Variants in PTPRJ observed in about 807,000 individuals in gnomAD.
PTPRJ encodes the protein protein tyrosine phosphatase receptor type J, also known as receptor-type tyrosine-protein phosphatase eta.
In PTPRJ, 129 loss-of-function variants were observed where a neutral mutation model predicts 141.3. The ratio of observed to expected loss-of-function variants is 0.91; its 90% CI spans 0.79 to 1.06. The LOEUF is 1.06. PTPRJ is among the 50% of genes least tolerant of loss of function. PTPRJ has a pLI of 0.00. For missense variants in PTPRJ, 1,601 were observed against 1,679.7 expected (o/e 0.95, Z 0.82); for synonymous variants, 610 against 640.5 (o/e 0.95, Z 0.72).
intron 1 of PTPRJ, among the ~76,000 whole-genome samples, chr11:48,072,119 G>A (rs1855277472): frequency 1.3e-5 from 2 of 151,998 alleles, no homozygotes; most frequent in African/African-American, 4.8e-5. Context: ...TGGCCAGGCT[G>A]GTCTTGAGCT....
chr11:48,148,822 A>G (rs1444309013), intron 15 of PTPRJ, among the ~76,000 whole-genome samples: 2 of 152,098 alleles, frequency 1.3e-5, no homozygotes, highest in Non-Finnish European at 2.9e-5. Flanking sequence ...GGTGTTTCCA[A>G]GTTTTTTTTC....
In PTPRJ at chr11:48,060,519, G is replaced by A. The variant is rs531575406; in HGVS notation, c.97-49539G>A. 6.6e-5 allele frequency among the ~76,000 whole-genome samples: 10 copies of A among 152,290 alleles called. No individual in the cohort carries two copies. In the East Asian group the frequency reaches 1.9e-3, roughly 29 times the overall value. On this transcript the variant is annotated intron_variant, in intron 1 of 24. Coordinates refer to ENST00000418331, the MANE Select transcript of PTPRJ (RefSeq NM_002843.4). ...TTTGCTCTACCCACACGCACAGTTG[G>A]AAAGATGCAGGTTTGATTGAAGAAG...
intron 1 of PTPRJ, among the ~76,000 whole-genome samples, chr11:48,077,094 G>A (rs1855425431): frequency 6.6e-6 from 1 of 151,980 alleles, no homozygotes; most frequent in African/African-American, 2.4e-5. Flanking sequence ...TTGAACTCCC[G>A]ACCTCAGGTG....
chr11:48,066,616 C>T (rs192419070), intron 1 of PTPRJ, among the ~76,000 whole-genome samples: 6 of 150,548 alleles, frequency 4.0e-5, no homozygotes, highest in Admixed American at 6.6e-5. Context: ...GACTGAGTCT[C>T]GCTGTGTCGC....
At chr11:47,992,747 A>G (rs1380595885) in intron 1 of PTPRJ, among the ~76,000 whole-genome samples, 1 of 152,248 alleles carries the variant, frequency 6.6e-6, no homozygotes, top group Non-Finnish European at 1.5e-5. Context: ...TATGACCTGC[A>G]TTAAAAAAAT....
intron 21 of PTPRJ, among the ~76,000 whole-genome samples, chr11:48,157,334 A>G (rs10838810): frequency 0.18 from 27,717 of 152,192 alleles, 2,863 homozygotes; most frequent in South Asian, 0.43. Flanking sequence ...ATTGATGTGA[A>G]GAGAACTGAA....
At position 48,155,998 on chromosome 11, in the gene PTPRJ, A is replaced by G; in HGVS notation, c.3317A>G (p.Lys1106Arg). The stretch of plus-strand genomic sequence containing the variant: ...TCCCATTTTTAGGGCTACCACTCCA[A>G]GAAAGATTTTATTGCCACACAAGGA... The part of the protein sequence containing the change: ...NANYMPGYHS[K>R]KDFIATQGPL... The change falls in exon 21 of 25, where the codon AAG (lysine) becomes AGG (arginine). Residue 1106 changes from lysine to arginine, a missense_variant. Lys to Arg is a conservative substitution (Grantham distance 26). Transcript: ENST00000418331. The G allele has an allele frequency of 6.2e-7, 1 of 1,611,202 alleles. No individual in the cohort carries two copies. Among genetic ancestry groups the G allele is most frequent in the African/African-American group, 1.3e-5 (1 of 74,986 alleles).
chr11:48,059,110 C>A (rs143848318), intron 1 of PTPRJ, among the ~76,000 whole-genome samples: 2 of 102,160 alleles, frequency 2.0e-5, no homozygotes, highest in Non-Finnish European at 3.8e-5. Flanking sequence ...TGTGCTGTGC[C>A]TTTTTTTTTT....
At chr11:48,167,113 G>A in intron 24 of PTPRJ, 91 bp from the exon 25 acceptor site, 1 of 1,256,104 alleles carries the variant, frequency 8.0e-7, no homozygotes. Flanking sequence ...TGGGAGTTGG[G>A]CGGGGGAATG....
chr11:48,057,213 G>C (rs1854779617), intron 1 of PTPRJ, among the ~76,000 whole-genome samples: 2 of 152,190 alleles, frequency 1.3e-5, no homozygotes, highest in South Asian at 4.1e-4. Context: ...AATAATAGGT[G>C]CTTAGGCATC....
intron 1 of PTPRJ, among the ~76,000 whole-genome samples, chr11:48,024,990 C>T (rs545192420): frequency 2.6e-5 from 4 of 152,264 alleles, no homozygotes; most frequent in Non-Finnish European, 5.9e-5. Context: ...GCCTAATCCC[C>T]TAAGGGGCCT....
Position 48,150,008 on chromosome 11 carries a change from CTCTT to C in PTPRJ, c.3050+12_3050+15del, listed in dbSNP as rs1565328478. On this transcript the variant is annotated intron_variant, in intron 17 of 24. Transcript: ENST00000418331. ...CATGAAGACCTAAAAAGTGAGTAAT[CTCTT>C]TATTTTTTTTAATAACTTGTACTTT... The C allele has an allele frequency of 4.7e-6, 7 of 1,492,914 alleles. No individual in the cohort carries two copies. The highest frequency in any genetic ancestry group is 1.8e-5 in the Admixed American group (1 of 56,858). The allele number at this position is 1,492,914 out of a possible 1,614,324, so 92.5% of individuals were successfully genotyped here. A position where few individuals can be genotyped will look rare whatever the true frequency, so the allele number is the denominator to read the frequency against.
rs1003881852 is a variant in PTPRJ at position 48,169,461 on chromosome 11, G to C, written c.*2099G>C. The C allele has an allele frequency of 5.9e-5, 9 of 152,086 alleles. No individual in the cohort carries two copies. Among genetic ancestry groups the C allele is most frequent in the African/African-American group, 2.2e-4 (9 of 41,494 alleles). The allele number at this position is 152,086 out of a possible 1,614,324, so 9.4% of individuals were successfully genotyped here. On this transcript the variant is annotated 3_prime_UTR_variant, in exon 25 of 25. Coordinates refer to ENST00000418331, the MANE Select transcript of PTPRJ (RefSeq NM_002843.4). ...GTGCTGTATGAAGCTGGGTGTGGGC[G>C]GATTCCTCCCACACCTTCACACTGG...
chr11:48,021,676 T>A (rs897626953), intron 1 of PTPRJ, among the ~76,000 whole-genome samples: 1 of 152,162 alleles, frequency 6.6e-6, no homozygotes, highest in East Asian at 1.9e-4. Flanking sequence ...CCCCCAAGCA[T>A]GCAGCACCTG....
intron 1 of PTPRJ, among the ~76,000 whole-genome samples, chr11:48,050,841 G>A (rs1251028366): frequency 6.6e-6 from 1 of 152,024 alleles, no homozygotes; most frequent in Admixed American, 6.6e-5. Flanking sequence ...TACTTTTTCA[G>A]CAACACATGT....
intron 8 of PTPRJ, chr11:48,131,413 A>G: frequency 1.4e-6 from 1 of 722,046 alleles, no homozygotes; most frequent in East Asian, 2.5e-5. Context: ...TTTCACAAAC[A>G]TTGAGGCCAT....
chr11:48,003,256 A>G (rs1854545489), intron 1 of PTPRJ, among the ~76,000 whole-genome samples: 2 of 152,212 alleles, frequency 1.3e-5, no homozygotes. Context: ...ATTTTTCACC[A>G]TTACAAGTGG....
chr11:48,147,745 C>T (rs980769726), intron 15 of PTPRJ, among the ~76,000 whole-genome samples: 2 of 152,194 alleles, frequency 1.3e-5, no homozygotes, highest in African/African-American at 4.8e-5. Context: ...GAATCTCCAT[C>T]CTGCCTTAGG....
chr11:48,001,295 A>G (rs1409620921), intron 1 of PTPRJ, among the ~76,000 whole-genome samples: 1 of 151,486 alleles, frequency 6.6e-6, no homozygotes, highest in Non-Finnish European at 1.5e-5. Context: ...ACCTGGCCCC[A>G]TATCACTTCT....
Sources: gnomAD v4.1 joint callset for allele counts (sites outside exome capture counted in the v4.1 genomes callset) on GRCh38, gnomAD v4.1.1 for gene constraint, MANE v1.5 for transcripts, NCBI Gene and HGNC (gene_info 2026-07-23, HGNC 2026-07-21) for gene names.